Variants in NPLOC4 observed in about 807,000 individuals in gnomAD.
The protein encoded by NPLOC4 is nuclear protein localization protein 4 homolog.
NPLOC4 carries 18 observed loss-of-function variants against 80.6 expected under a neutral mutation model. The observed-to-expected ratio is 0.22, with a 90% CI of 0.15 to 0.33. The LOEUF (loss-of-function observed/expected upper bound fraction) is 0.33, where lower values mean the gene tolerates loss of function less well. Among genes scored for constraint, NPLOC4 ranks in the 10% least tolerant of loss-of-function variants. The probability of loss-of-function intolerance (pLI) is 1.00; values close to 1 mark genes in which losing one functional copy is unlikely to be tolerated. For synonymous variants in NPLOC4, 313 were observed against 301.5 expected, an observed-to-expected ratio of 1.04 and a Z score of -0.39; for missense variants, 540 against 786.1, an observed-to-expected ratio of 0.69 and a Z score of 3.74.
At chr17:81,576,319 C>T (rs1229118811) in intron 12 of NPLOC4, among the ~76,000 whole-genome samples, 2 of 152,170 alleles carry the variant, frequency 1.3e-5, no homozygotes, top group South Asian at 2.1e-4. Context: ...TTGCACAACG[C>T]GGGTTTGAAC....
At chr17:81,603,725 C>A (rs972177226) in intron 8 of NPLOC4, among the ~76,000 whole-genome samples, 1 of 152,190 alleles carries the variant, frequency 6.6e-6, no homozygotes, top group African/African-American at 2.4e-5. Context: ...TCCCTCTAGT[C>A]ACCCATCAAT....
At chr17:81,617,928 G>C (rs1598674960) in intron 3 of NPLOC4, among the ~76,000 whole-genome samples, 1 of 152,200 alleles carries the variant, frequency 6.6e-6, no homozygotes, top group African/African-American at 2.4e-5. Context: ...CGAGGTGCCG[G>C]GATTGCAGAC....
chr17:81,598,380 A>G (rs1275269500), intron 9 of NPLOC4, among the ~76,000 whole-genome samples: 1 of 152,184 alleles, frequency 6.6e-6, no homozygotes, highest in Non-Finnish European at 1.5e-5. Flanking sequence ...GAGTGAGACC[A>G]ACAGAAGGTG....
At chr17:81,616,600 G>C (rs920978856) in intron 3 of NPLOC4, among the ~76,000 whole-genome samples, 11 of 151,672 alleles carry the variant, frequency 7.3e-5, no homozygotes, top group Non-Finnish European at 1.5e-4. Context: ...CATGGTGGCA[G>C]GTGCCTGTAG....
intron 5 of NPLOC4, 57 bp from the exon 6 acceptor site, chr17:81,608,879 C>T: frequency 7.2e-7 from 1 of 1,390,118 alleles, no homozygotes; most frequent in Admixed American, 2.0e-5. Flanking sequence ...ACTCCAGGCG[C>T]TGAGCCTCTG....
intron 2 of NPLOC4, among the ~76,000 whole-genome samples, chr17:81,623,403 T>C (rs2035716464): frequency 7.4e-6 from 1 of 134,564 alleles, no homozygotes; most frequent in Admixed American, 8.9e-5. Flanking sequence ...AGGTAGAGGC[T>C]GCAGTGAGTC....
intron 12 of NPLOC4, among the ~76,000 whole-genome samples, chr17:81,575,809 G>C (rs979535778): frequency 2.0e-5 from 3 of 152,200 alleles, no homozygotes; most frequent in African/African-American, 4.8e-5. Flanking sequence ...CACCGCAAGG[G>C]AAGATGCAAA....
chr17:81,583,009 C>T lies in NPLOC4; in HGVS notation c.1281+5935G>A, dbSNP rs75267021. ...CCGCCCCTGCGCACTCACAACTGAG[C>T]GCCCATGTGCGCCAGCACAGCAGCC... On this transcript the variant is annotated intron_variant, in intron 12 of 16. Coordinates refer to ENST00000331134, the MANE Select transcript of NPLOC4 (RefSeq NM_017921.4). 3.3e-3 allele frequency among the ~76,000 whole-genome samples: 500 copies of T among 152,406 alleles called. 2 individuals carry two copies. Among genetic ancestry groups the T allele is most frequent in the African/African-American group, 0.011 (475 of 41,598 alleles).
chr17:81,582,983 G>A (rs977922523), intron 12 of NPLOC4, among the ~76,000 whole-genome samples: 12 of 152,266 alleles, frequency 7.9e-5, no homozygotes, highest in African/African-American at 1.9e-4. Context: ...TCCCTGCGGC[G>A]CCGCCCCTGC....
Position 81,558,967 on chromosome 17 carries a change from G to A in NPLOC4, c.*292C>T, listed in dbSNP as rs115775110. ...AATTCCAGGTGCCACGTAGAGGCGA[G>A]AGGTCTTTCCAACACGGCGGGGGAC... On this transcript the variant is annotated 3_prime_UTR_variant, in exon 17 of 17. Transcript: ENST00000331134. 1.2e-5 allele frequency: 4 copies of A among 324,726 alleles called. No individual in the cohort carries two copies. The East Asian group carries it at 1.6e-4, about 13-fold the overall frequency. The allele number at this position is 324,726 out of a possible 1,614,324, so 20.1% of individuals were successfully genotyped here.
At chr17:81,587,002 A>C (rs2034596421) in intron 12 of NPLOC4, among the ~76,000 whole-genome samples, 1 of 152,248 alleles carries the variant, frequency 6.6e-6, no homozygotes, top group South Asian at 2.1e-4. Flanking sequence ...ATACACAATG[A>C]GCAGCACACC....
At chr17:81,605,289 A>AT (rs1313632277) in intron 7 of NPLOC4, among the ~76,000 whole-genome samples, 28 of 123,272 alleles carry the variant, frequency 2.3e-4, no homozygotes, top group African/African-American at 7.7e-4. Context: ...TCAAAAAAAA[A>AT]AAATAAATAA....
At chr17:81,635,357 TAAA>T (rs10627051) in intron 1 of NPLOC4, among the ~76,000 whole-genome samples, 5,586 of 126,588 alleles carry the variant, frequency 0.044, 233 homozygotes, top group East Asian at 0.25. Flanking sequence ...AAAATAAGGT[TAAA>T]AAAAAAAAAA....
chr17:81,630,465 G>T (rs1049524683), intron 1 of NPLOC4, among the ~76,000 whole-genome samples: 7 of 150,526 alleles, frequency 4.7e-5, no homozygotes, highest in Non-Finnish European at 1.0e-4. Flanking sequence ...TTTTTTTTTT[G>T]TAGTGACGGA....
At chr17:81,595,049 T>A (rs2034863252) in intron 11 of NPLOC4, among the ~76,000 whole-genome samples, 1 of 152,170 alleles carries the variant, frequency 6.6e-6, no homozygotes, top group East Asian at 1.9e-4. Flanking sequence ...TCTTTCTTTT[T>A]TTCCAAATGT....
chr17:81,623,742 G>C (rs2035728072), intron 2 of NPLOC4, among the ~76,000 whole-genome samples: 1 of 151,376 alleles, frequency 6.6e-6, no homozygotes, highest in Non-Finnish European at 1.5e-5. Context: ...AGCTTGCAGT[G>C]AGCCGAGATC....
chr17:81,618,965 C>T (rs1214153864), intron 3 of NPLOC4, among the ~76,000 whole-genome samples: 1 of 151,858 alleles, frequency 6.6e-6, no homozygotes, highest in Non-Finnish European at 1.5e-5. Context: ...GGATTAAGGG[C>T]GGTGCAAGAT....
rs1156672371 is a variant in NPLOC4 at position 81,568,881 on chromosome 17, G to GT, written c.1449+134dup. The GT allele has an allele frequency of 1.8e-4, 116 of 647,008 alleles. No homozygotes were observed. The East Asian group carries it at 3.1e-3, about 17-fold the overall frequency. 40.1% of individuals were successfully genotyped at this position (647,008 alleles called of 1,614,324 possible). On this transcript the variant is annotated intron_variant, in intron 14 of 16. Transcript: ENST00000331134. ...TCCACGTGACCAGCAGTGCCCCACAGTAGGCCCTAGCTGGCCTGTCACAAG... is the reference window on the plus strand; with the variant it reads ...TCCACGTGACCAGCAGTGCCCCACAGTTAGGCCCTAGCTGGCCTGTCACAAG...
rs746814719 is a variant in NPLOC4 at position 81,606,685 on chromosome 17, T to G, written c.654+6A>C. ...AACAAATCTAGACAGACAGGGAACA[T>G]CTCACCTGTCTGTTCAGCGTGATGG... On this transcript the variant is annotated splice_donor_region_variant and intron_variant, in intron 7 of 16. Transcript: ENST00000331134. The G allele has an allele frequency of 1.2e-6, 2 of 1,610,556 alleles. No individual in the cohort carries two copies. The highest frequency in any genetic ancestry group is 3.4e-5 in the Admixed American group (2 of 59,404).
Sources: allele counts gnomAD v4.1 joint callset (sites outside exome capture counted in the v4.1 genomes callset), GRCh38; gene constraint gnomAD v4.1.1; transcripts MANE v1.5; gene names NCBI Gene and HGNC (gene_info 2026-07-23, HGNC 2026-07-21).